The following DCLK1 variants were observed in gnomAD, a reference collection of about 807,000 sequenced individuals.
The protein encoded by DCLK1 is doublecortin like kinase 1.
In DCLK1, 16 loss-of-function variants were observed where a neutral mutation model predicts 86.2. The observed-to-expected ratio is 0.19, with a 90% CI of 0.13 to 0.28. The LOEUF (loss-of-function observed/expected upper bound fraction) is 0.28, where lower values mean the gene tolerates loss of function less well. Among genes scored for constraint, DCLK1 ranks in the 10% least tolerant of loss-of-function variants. The probability of loss-of-function intolerance (pLI) is 1.00; values close to 1 mark genes in which losing one functional copy is unlikely to be tolerated. For missense variants in DCLK1, 590 were observed against 940.2 expected (o/e 0.63, Z 4.87); for synonymous variants, 369 against 370.5 (o/e 1.00, Z 0.05).
chr13:35,831,463 A>G (rs879540189), intron 8 of DCLK1, among the ~76,000 whole-genome samples: 2 of 152,186 alleles, frequency 1.3e-5, no homozygotes, highest in African/African-American at 2.4e-5. Flanking sequence ...CGAATCTTAT[A>G]TAATGAATTC....
chr13:35,883,623 G>C (rs1203365348), intron 4 of DCLK1, among the ~76,000 whole-genome samples: 3 of 152,142 alleles, frequency 2.0e-5, no homozygotes, highest in Admixed American at 2.0e-4. Context: ...GCAGTGGTAT[G>C]GTCTGATTTG....
intron 4 of DCLK1, among the ~76,000 whole-genome samples, chr13:35,930,919 G>A (rs1171073): frequency 0.095 from 14,423 of 152,200 alleles, 942 homozygotes; most frequent in African/African-American, 0.19. Flanking sequence ...CTCTGTTGGA[G>A]GCCAAAGAGC....
chr13:35,963,832 C>T (rs1470076033), intron 3 of DCLK1, among the ~76,000 whole-genome samples: 1 of 152,164 alleles, frequency 6.6e-6, no homozygotes, highest in African/African-American at 2.4e-5. Flanking sequence ...GCCTCTTTCC[C>T]TTCTGCCACA....
intron 6 of DCLK1, among the ~76,000 whole-genome samples, chr13:35,841,794 C>A (rs1869813022): frequency 6.6e-6 from 1 of 152,040 alleles, no homozygotes; most frequent in Admixed American, 6.5e-5. Flanking sequence ...AGTATTATCT[C>A]TTTTTTCCCA....
chr13:35,838,459 G>T (rs1033957044), intron 7 of DCLK1, among the ~76,000 whole-genome samples: 4 of 152,144 alleles, frequency 2.6e-5, no homozygotes, highest in Admixed American at 2.0e-4. Flanking sequence ...AAATAGGTGT[G>T]ATTCACAATC....
intron 6 of DCLK1, chr13:35,850,862 T>G (rs1307391880): frequency 2.6e-6 from 3 of 1,150,260 alleles, no homozygotes; most frequent in East Asian, 5.6e-5. Context: ...TGAATGGGCA[T>G]CCCCAGTTTC....
chr13:35,906,175 T>C (rs1874679081), intron 4 of DCLK1, among the ~76,000 whole-genome samples: 1 of 152,206 alleles, frequency 6.6e-6, no homozygotes, highest in Non-Finnish European at 1.5e-5. Context: ...GAAACAGCAT[T>C]GCAACCACAC....
rs1296978386 is a variant in DCLK1 at position 35,849,144 on chromosome 13, T to A, written c.1035+5355A>T. On this transcript the variant is annotated intron_variant, in intron 6 of 16. Coordinates refer to ENST00000360631, the MANE Select transcript of DCLK1 (RefSeq NM_001330071.2). ...AGTTTTCAAATGCTGTTAGATTGCC[T>A]GGACGTTTTTTCTTCTTCCTCTTCT... 3 of 985,264 alleles carry A rather than the reference T, an allele frequency of 3.0e-6. No individual in the cohort carries two copies. In the African/African-American group the frequency reaches 5.2e-5, roughly 17 times the overall value. The allele number at this position is 985,264 out of a possible 1,614,324, so 61.0% of individuals were successfully genotyped here. A position where few individuals can be genotyped will look rare whatever the true frequency, so the allele number is the denominator to read the frequency against.
At chr13:36,048,411 T>C (rs1038076794) in intron 3 of DCLK1, among the ~76,000 whole-genome samples, 4 of 152,178 alleles carry the variant, frequency 2.6e-5, no homozygotes, top group Admixed American at 1.3e-4. Context: ...TTACACAAAG[T>C]AATACTGTTT....
chr13:35,920,555 C>T (rs942215166), intron 4 of DCLK1, among the ~76,000 whole-genome samples: 3 of 152,046 alleles, frequency 2.0e-5, no homozygotes, highest in Non-Finnish European at 4.4e-5. Flanking sequence ...GGAAAATGCA[C>T]GGGGGTTGTG....
intron 3 of DCLK1, among the ~76,000 whole-genome samples, chr13:35,949,237 C>G (rs1877540106): frequency 6.6e-6 from 1 of 152,170 alleles, no homozygotes; most frequent in Non-Finnish European, 1.5e-5. Flanking sequence ...TCCAAATTCT[C>G]AAAACCCTTA....
intron 4 of DCLK1, among the ~76,000 whole-genome samples, chr13:35,886,417 A>G (rs1873250119): frequency 6.6e-6 from 1 of 152,190 alleles, no homozygotes; most frequent in Admixed American, 6.5e-5. Context: ...AAATATTGGC[A>G]GGCTTTAGAA....
chr13:36,125,626 T>C, intron 2 of DCLK1, 136 bp downstream of exon 2: 2 of 1,290,660 alleles, frequency 1.5e-6, no homozygotes, highest in Non-Finnish European at 2.1e-6. Context: ...AGCACATTCG[T>C]ATGTCTGAAA....
At chr13:35,867,612 A>G (rs1174298491) in intron 5 of DCLK1, among the ~76,000 whole-genome samples, 1 of 152,234 alleles carries the variant, frequency 6.6e-6, no homozygotes, top group Non-Finnish European at 1.5e-5. Flanking sequence ...AAATGTTGGC[A>G]GTGACATACA....
At chr13:36,004,867 C>T (rs557528825) in intron 3 of DCLK1, among the ~76,000 whole-genome samples, 5 of 152,296 alleles carry the variant, frequency 3.3e-5, no homozygotes, top group South Asian at 2.1e-4. Flanking sequence ...CGTGAGCCAC[C>T]GCACCTGGCC....
intron 3 of DCLK1, among the ~76,000 whole-genome samples, chr13:36,101,514 G>A (rs1010534079): frequency 2.0e-5 from 3 of 152,250 alleles, no homozygotes; most frequent in Admixed American, 1.3e-4. Flanking sequence ...GGGGTTCGCC[G>A]TCTTTAGGGC....
intron 14 of DCLK1, among the ~76,000 whole-genome samples, chr13:35,806,953 T>C (rs2087040065): frequency 6.6e-6 from 1 of 152,198 alleles, no homozygotes; most frequent in South Asian, 2.1e-4. Context: ...AGTGGTCATG[T>C]CTGAGGGGTT....
intron 3 of DCLK1, among the ~76,000 whole-genome samples, chr13:36,083,093 C>T (rs1473603245): frequency 6.6e-6 from 1 of 151,432 alleles, no homozygotes; most frequent in African/African-American, 2.4e-5. Context: ...TTCCAAACTG[C>T]TATTTAAAAA....
At chr13:35,776,131 T>C (rs1365301886) in intron 16 of DCLK1, among the ~76,000 whole-genome samples, 1 of 152,234 alleles carries the variant, frequency 6.6e-6, no homozygotes, top group Non-Finnish European at 1.5e-5. Context: ...TTGATTCTTG[T>C]TGAATTTTTA....
Sources: allele counts gnomAD v4.1 joint callset (sites outside exome capture counted in the v4.1 genomes callset), GRCh38; gene constraint gnomAD v4.1.1; transcripts MANE v1.5; gene names NCBI Gene and HGNC (gene_info 2026-07-23, HGNC 2026-07-21).